Variants in RALGAPA1 observed in about 807,000 individuals in gnomAD.
The protein encoded by RALGAPA1 is ral GTPase-activating protein subunit alpha-1.
A neutral mutation model predicts 269.6 loss-of-function variants in RALGAPA1; 52 were observed. The ratio of observed to expected loss-of-function variants is 0.19; its 90% CI spans 0.15 to 0.24. The LOEUF (loss-of-function observed/expected upper bound fraction) is 0.24. Among genes scored for constraint, RALGAPA1 ranks in the 10% least tolerant of loss-of-function variants. The pLI is 1.00. For synonymous variants in RALGAPA1, 817 were observed against 1,008.3 expected, an observed-to-expected ratio of 0.81 and a Z score of 3.60; for missense variants, 1,917 against 3,013.9, an observed-to-expected ratio of 0.64 and a Z score of 8.52.
intron 28 of RALGAPA1, among the ~76,000 whole-genome samples, chr14:35,657,088 T>A (rs777484669): frequency 4.6e-5 from 7 of 152,012 alleles, no homozygotes; most frequent in South Asian, 2.1e-4. Context: ...ACACCCCCCC[T>A]CCACAAGATG....
intron 7 of RALGAPA1, among the ~76,000 whole-genome samples, chr14:35,754,598 A>G (rs2073013133): frequency 6.6e-6 from 1 of 152,192 alleles, no homozygotes; most frequent in East Asian, 1.9e-4. Context: ...GCAATTGTAT[A>G]AGTCTTACAT....
intron 17 of RALGAPA1, among the ~76,000 whole-genome samples, chr14:35,696,808 TTA>T (rs2066938488): frequency 3.9e-5 from 6 of 152,204 alleles, no homozygotes; most frequent in Admixed American, 2.0e-4. Flanking sequence ...AGGAAATATT[TTA>T]TGAGTTCGTT....
chr14:35,565,092 T>G (rs1014734692), intron 39 of RALGAPA1, among the ~76,000 whole-genome samples: 1 of 152,068 alleles, frequency 6.6e-6, no homozygotes, highest in Non-Finnish European at 1.5e-5. Context: ...TCAATAAATA[T>G]TTTTGAAGGA....
intron 39 of RALGAPA1, among the ~76,000 whole-genome samples, chr14:35,554,316 G>C (rs1160152860): frequency 1.6e-5 from 2 of 121,984 alleles, no homozygotes; most frequent in Admixed American, 1.6e-4. Context: ...CCTTAGGCTT[G>C]TTCTTCTACT....
intron 16 of RALGAPA1, among the ~76,000 whole-genome samples, chr14:35,713,622 G>C (rs2068549401): frequency 6.6e-6 from 1 of 152,140 alleles, no homozygotes; most frequent in African/African-American, 2.4e-5. Flanking sequence ...AAGCAAAAGG[G>C]AAAAGTGAGA....
intron 17 of RALGAPA1, among the ~76,000 whole-genome samples, chr14:35,697,161 A>G (rs1013273664): frequency 2.0e-5 from 3 of 152,216 alleles, no homozygotes; most frequent in Admixed American, 6.5e-5. Flanking sequence ...AGAGGCAAAG[A>G]CCAATCCAAT....
intron 17 of RALGAPA1, 104 bp downstream of exon 17, chr14:35,700,058 C>A: frequency 9.7e-7 from 1 of 1,034,636 alleles, no homozygotes; most frequent in East Asian, 2.7e-5. Context: ...CACACCTCCC[C>A]CAAAGAAATT....
chr14:35,680,179 A>G (rs2065298390), intron 21 of RALGAPA1, among the ~76,000 whole-genome samples: 1 of 152,144 alleles, frequency 6.6e-6, no homozygotes, highest in Non-Finnish European at 1.5e-5. Flanking sequence ...TAAAAATCGA[A>G]TTCATTTTTA....
intron 14 of RALGAPA1, 29 bp from the exon 15 acceptor site, chr14:35,723,293 T>C (rs1488928077): frequency 2.3e-6 from 3 of 1,318,164 alleles, no homozygotes; most frequent in Middle Eastern, 1.9e-4. Flanking sequence ...GAAATAACAA[T>C]AAAATGTGTT....
intron 12 of RALGAPA1, among the ~76,000 whole-genome samples, chr14:35,737,460 T>C (rs185108225): frequency 0.022 from 3,359 of 152,010 alleles, 125 homozygotes; most frequent in South Asian, 0.14. Flanking sequence ...AAAATACATG[T>C]ATAAGAATGT....
At chr14:35,718,385 T>C (rs1567078667) in intron 16 of RALGAPA1, among the ~76,000 whole-genome samples, 1 of 152,216 alleles carries the variant, frequency 6.6e-6, no homozygotes, top group East Asian at 1.9e-4. Context: ...ATAAAGTATC[T>C]TTAGGATTCT....
chr14:35,587,716 C>T (rs751611481), intron 37 of RALGAPA1, among the ~76,000 whole-genome samples: 5 of 113,274 alleles, frequency 4.4e-5, no homozygotes, highest in Admixed American at 3.2e-4. Flanking sequence ...TGGGGCCTGT[C>T]GTGGGGTGGG....
rs138748405 is a variant in RALGAPA1 at position 35,766,512 on chromosome 14, T to C, written c.326-3759A>G. The stretch of plus-strand genomic sequence containing the variant: ...TCACATTACTTATTCAATTGTCTGC[T>C]ACCATCTATTGTGCACATCAGAAGC... On this transcript the variant is annotated intron_variant, in intron 4 of 41. Transcript: ENST00000680220. The C allele has an allele frequency of 5.2e-3, 6,356 of 1,216,878 alleles. 37 individuals carry two copies. The highest frequency in any genetic ancestry group is 6.8e-3 in the Non-Finnish European group (5,653 of 827,642). 75.4% of individuals were successfully genotyped at this position (1,216,878 alleles called of 1,614,324 possible).
intron 10 of RALGAPA1, among the ~76,000 whole-genome samples, chr14:35,742,884 C>T (rs996187581): frequency 6.6e-6 from 1 of 151,724 alleles, no homozygotes; most frequent in African/African-American, 2.4e-5. Context: ...ATAAGTAAGA[C>T]AATTAATTAC....
chr14:35,688,650 G>C lies in RALGAPA1; in HGVS notation c.3761C>G (p.Thr1254Ser). The C allele has an allele frequency of 2.0e-6, 3 of 1,522,100 alleles. No homozygotes were observed. 94.3% of individuals were successfully genotyped at this position (1,522,100 alleles called of 1,614,324 possible). A position where few individuals can be genotyped will look rare whatever the true frequency, so the allele number is the denominator to read the frequency against. ...TGCCTCATGACTTGATGACCTAAGAGTACTACGACTACCTAATTGACTACT... is the reference window on the plus strand; with the variant it reads ...TGCCTCATGACTTGATGACCTAAGACTACTACGACTACCTAATTGACTACT... ...IASSQLGSRS[T>S]LRSSSHEAGL... Residue 1254 changes from threonine to serine, a missense_variant, in exon 18 of 42, where the codon ACT becomes AGT. Around this residue, in one of 11 missense-constraint regions of RALGAPA1, gnomAD observed 615 missense variants for 790.0 expected, o/e 0.78. Coordinates refer to ENST00000680220, the MANE Select transcript of RALGAPA1 (RefSeq NM_001346249.2).
At chr14:35,772,779 T>G (rs972706290) in intron 3 of RALGAPA1, among the ~76,000 whole-genome samples, 1 of 152,206 alleles carries the variant, frequency 6.6e-6, no homozygotes, top group African/African-American at 2.4e-5. Context: ...AGCTAGAAAG[T>G]GAAAGAACAG....
At chr14:35,561,400 C>T (rs894091595) in intron 39 of RALGAPA1, among the ~76,000 whole-genome samples, 1 of 151,130 alleles carries the variant, frequency 6.6e-6, no homozygotes, top group Non-Finnish European at 1.5e-5. Context: ...ACTCTGTATA[C>T]ACAGACTACA....
chr14:35,591,034 C>T (rs2058602761), intron 37 of RALGAPA1, among the ~76,000 whole-genome samples: 2 of 152,132 alleles, frequency 1.3e-5, no homozygotes, highest in African/African-American at 4.8e-5. Context: ...AAATGTTTCT[C>T]ACAAAACCAA....
intron 17 of RALGAPA1, among the ~76,000 whole-genome samples, chr14:35,692,520 C>A: frequency 6.7e-6 from 1 of 148,208 alleles, no homozygotes; most frequent in Admixed American, 6.7e-5. Flanking sequence ...AAACTTGTTA[C>A]CATATATGAC....
Sources: gnomAD v4.1 joint callset for allele counts (sites outside exome capture counted in the v4.1 genomes callset) on GRCh38, gnomAD v4.1.1 for gene constraint, gnomAD v4.1.1 regional missense constraint, MANE v1.5 for transcripts, NCBI Gene and HGNC (gene_info 2026-07-23, HGNC 2026-07-21) for gene names.